The following SH3RF1 variants were observed in gnomAD, a reference collection of about 807,000 sequenced individuals.
SH3RF1 encodes the protein E3 ubiquitin-protein ligase SH3RF1.
Under a neutral mutation model 74.0 loss-of-function variants are expected in SH3RF1, and 32 were observed. The ratio of observed to expected loss-of-function variants is 0.43; its 90% CI spans 0.33 to 0.58. SH3RF1 has a LOEUF of 0.58. Among genes scored for constraint, SH3RF1 ranks in the 20% least tolerant of loss-of-function variants. The pLI is 0.05. For missense variants in SH3RF1, 954 were observed against 1,130.9 expected, an observed-to-expected ratio of 0.84 and a Z score of 2.24; for synonymous variants, 396 against 439.6, an observed-to-expected ratio of 0.90 and a Z score of 1.24.
Position 169,216,971 on chromosome 4 carries a change from C to T in SH3RF1, c.393+51849G>A, listed in dbSNP as rs28653460. On this transcript the variant is annotated intron_variant, in intron 2 of 11. Transcript: ENST00000284637. ...TTTGAGACCAGCCTGAGCAACATGG[C>T]GAAACCCCATCTCTACAAAAATTAC... Among the ~76,000 whole-genome samples, 542 of 137,476 alleles carry T rather than the reference C, an allele frequency of 3.9e-3. 4 individuals carry two copies. Among genetic ancestry groups the T allele is most frequent in the African/African-American group, 0.014 (525 of 37,014 alleles). The allele number at this position is 137,476 out of a possible 152,430, so 90.2% of individuals were successfully genotyped here. A position where few individuals can be genotyped will look rare whatever the true frequency, so the allele number is the denominator to read the frequency against.
At chr4:169,247,600 T>C (rs1362900585) in intron 2 of SH3RF1, among the ~76,000 whole-genome samples, 5 of 152,042 alleles carry the variant, frequency 3.3e-5, no homozygotes, top group Non-Finnish European at 5.9e-5. Context: ...GGGTGGGGGA[T>C]AGGAGTACAA....
chr4:169,262,000 G>A (rs1191071277), intron 2 of SH3RF1, among the ~76,000 whole-genome samples: 3 of 151,986 alleles, frequency 2.0e-5, no homozygotes, highest in Admixed American at 6.6e-5. Flanking sequence ...AAAATTCTAT[G>A]AGTAAAAATA....
At chr4:169,167,072 G>T (rs933917656) in intron 2 of SH3RF1, 4 of 186,760 alleles carry the variant, frequency 2.1e-5, no homozygotes, top group African/African-American at 7.1e-5. Flanking sequence ...TATAATCTGT[G>T]TTTGCCCTGA....
chr4:169,152,917 C>G (rs1321480053), intron 4 of SH3RF1, among the ~76,000 whole-genome samples: 1 of 152,098 alleles, frequency 6.6e-6, no homozygotes, highest in Non-Finnish European at 1.5e-5. Flanking sequence ...CACCTCAATC[C>G]TCTCTTTACC....
intron 4 of SH3RF1, among the ~76,000 whole-genome samples, chr4:169,141,229 G>T (rs1733780025): frequency 6.6e-6 from 1 of 152,044 alleles, no homozygotes; most frequent in Non-Finnish European, 1.5e-5. Flanking sequence ...TTTCTATGTA[G>T]ATGTTGTTAT....
intron 2 of SH3RF1, among the ~76,000 whole-genome samples, chr4:169,208,136 T>C (rs905875690): frequency 9.4e-5 from 14 of 149,422 alleles, no homozygotes; most frequent in African/African-American, 2.9e-4. Context: ...GAATTGCTTA[T>C]TTAAGTCCTC....
At chr4:169,267,954 T>C (rs1389122462) in intron 2 of SH3RF1, among the ~76,000 whole-genome samples, 1 of 152,180 alleles carries the variant, frequency 6.6e-6, no homozygotes, top group African/African-American at 2.4e-5. Context: ...ACTGATGCTC[T>C]TGACTACTTT....
intron 2 of SH3RF1, among the ~76,000 whole-genome samples, chr4:169,259,323 T>C (rs912809731): frequency 6.6e-6 from 1 of 152,208 alleles, no homozygotes; most frequent in Non-Finnish European, 1.5e-5. Flanking sequence ...ACTTTTTTCA[T>C]GTTTCACAAC....
At chr4:169,120,589 C>A (rs1055292353) in intron 8 of SH3RF1, among the ~76,000 whole-genome samples, 1 of 152,124 alleles carries the variant, frequency 6.6e-6, no homozygotes, top group Admixed American at 6.6e-5. Flanking sequence ...TAACTTAAAA[C>A]CCAGTACATT....
rs1448045356 is a variant in SH3RF1 at position 169,191,419 on chromosome 4, C to T, written c.394-34740G>A. Among the ~76,000 whole-genome samples, 3 of 152,006 alleles carry T rather than the reference C, an allele frequency of 2.0e-5. No homozygotes were observed. The East Asian group carries it at 5.8e-4, about 29-fold the overall frequency. ...ATGACACAAACAAATGGAAACACAT[C>T]CCATGCTCATGACTGAGTAGAATCA... On this transcript the variant is annotated intron_variant, in intron 2 of 11. Coordinates refer to ENST00000284637, the MANE Select transcript of SH3RF1 (RefSeq NM_020870.4).
At chr4:169,188,476 G>A (rs984792247) in intron 2 of SH3RF1, among the ~76,000 whole-genome samples, 31 of 152,150 alleles carry the variant, frequency 2.0e-4, no homozygotes, top group African/African-American at 6.5e-4. Context: ...CTGTAAAACC[G>A]AAAGGCCCTG....
At chr4:169,121,098 T>C in intron 7 of SH3RF1, 109 bp from the exon 8 acceptor site, 1 of 853,582 alleles carries the variant, frequency 1.2e-6, no homozygotes, top group South Asian at 1.6e-5. Flanking sequence ...AAATGTAAAC[T>C]GAAAGTATAA....
intron 2 of SH3RF1, among the ~76,000 whole-genome samples, chr4:169,191,899 AT>A (rs1438123654): frequency 6.6e-6 from 1 of 152,192 alleles, no homozygotes; most frequent in South Asian, 2.1e-4. Flanking sequence ...CTCAAGATGG[AT>A]TAAGGACTTA....
chr4:169,182,878 G>GT (rs1372873667), intron 2 of SH3RF1, among the ~76,000 whole-genome samples: 4 of 152,174 alleles, frequency 2.6e-5, no homozygotes, highest in Non-Finnish European at 5.9e-5. Context: ...GAGAAAGGTG[G>GT]TTTTTAGTAG....
intron 2 of SH3RF1, among the ~76,000 whole-genome samples, chr4:169,216,404 AT>A (rs1730465024): frequency 1.3e-5 from 2 of 152,068 alleles, no homozygotes. Context: ...GCTATTTTTA[AT>A]TTTTTTCTAG....
intron 2 of SH3RF1, chr4:169,166,958 T>A (rs539644709): frequency 8.6e-6 from 2 of 231,676 alleles, no homozygotes; most frequent in South Asian, 1.3e-4. Context: ...GAAGGTGATA[T>A]CTTCGACACG....
At chr4:169,185,562 T>C (rs566924271) in intron 2 of SH3RF1, among the ~76,000 whole-genome samples, 1 of 152,006 alleles carries the variant, frequency 6.6e-6, no homozygotes, top group East Asian at 1.9e-4. Flanking sequence ...CTGGCATGGA[T>C]AGGAAAGTGA....
chr4:169,266,850 C>A (rs988624743), intron 2 of SH3RF1, among the ~76,000 whole-genome samples: 3 of 152,196 alleles, frequency 2.0e-5, no homozygotes, highest in Admixed American at 2.0e-4. Flanking sequence ...TCAATTGCAT[C>A]AACTCAGACT....
At chr4:169,189,579 T>A (rs1734665317) in intron 2 of SH3RF1, among the ~76,000 whole-genome samples, 1 of 152,216 alleles carries the variant, frequency 6.6e-6, no homozygotes, top group African/African-American at 2.4e-5. Flanking sequence ...TTGCCACGGC[T>A]ATCAGTGCAA....
Sources: allele counts gnomAD v4.1 joint callset (sites outside exome capture counted in the v4.1 genomes callset), GRCh38; gene constraint gnomAD v4.1.1; transcripts MANE v1.5; gene names NCBI Gene and HGNC (gene_info 2026-07-23, HGNC 2026-07-21).